ERGIC1: variants seen among roughly 807,000 people sequenced by gnomAD.
ERGIC1 encodes endoplasmic reticulum-golgi intermediate compartment 1.
A neutral mutation model predicts 38.3 loss-of-function variants in ERGIC1; 19 were observed. The ratio of observed to expected loss-of-function variants is 0.50; its 90% CI spans 0.35 to 0.73. The LOEUF (loss-of-function observed/expected upper bound fraction) is 0.73, where lower values mean the gene tolerates loss of function less well. Among genes scored for constraint, ERGIC1 ranks in the 30% least tolerant of loss-of-function variants. The pLI is 0.01. For missense variants in ERGIC1, 294 were observed against 389.2 expected, an observed-to-expected ratio of 0.76 and a Z score of 2.06; for synonymous variants, 124 against 157.6, an observed-to-expected ratio of 0.79 and a Z score of 1.60.
At chr5:172,856,334 A>C (rs1281599026) in intron 1 of ERGIC1, among the ~76,000 whole-genome samples, 1 of 152,250 alleles carries the variant, frequency 6.6e-6, no homozygotes, top group Non-Finnish European at 1.5e-5. Flanking sequence ...CAGTCAGGCC[A>C]GAGAGGAGTC....
chr5:172,859,520 G>A (rs978617521), intron 1 of ERGIC1, among the ~76,000 whole-genome samples: 10 of 152,268 alleles, frequency 6.6e-5, no homozygotes, highest in African/African-American at 1.9e-4. Context: ...TCACAGTGCC[G>A]TCCCAAGCCT....
intron 8 of ERGIC1, 82 bp from the exon 9 acceptor site, chr5:172,935,103 GGTT>G: frequency 6.3e-7 from 1 of 1,597,906 alleles, no homozygotes; most frequent in Non-Finnish European, 8.6e-7. Context: ...CTTTCTGGAG[GGTT>G]GCTGGGGGGC....
intron 8 of ERGIC1, 75 bp from the exon 9 acceptor site, chr5:172,935,113 G>A (rs1214060966): frequency 6.2e-7 from 1 of 1,605,618 alleles, no homozygotes; most frequent in Admixed American, 1.7e-5. Context: ...GGTTGCTGGG[G>A]GGCCCTCTGC....
chr5:172,873,493 G>A (rs369635134), intron 1 of ERGIC1, among the ~76,000 whole-genome samples: 23 of 152,336 alleles, frequency 1.5e-4, no homozygotes, highest in African/African-American at 4.8e-4. Context: ...CCTTAGCTCC[G>A]TGGACCCTGC....
intron 2 of ERGIC1, among the ~76,000 whole-genome samples, chr5:172,896,195 T>G (rs1472031179): frequency 6.6e-6 from 1 of 151,860 alleles, no homozygotes; most frequent in Non-Finnish European, 1.5e-5. Flanking sequence ...ATAAAAAAAT[T>G]AGCTGGGTGT....
intron 3 of ERGIC1, among the ~76,000 whole-genome samples, 177 bp from the exon 4 acceptor site, chr5:172,909,490 A>ACT (rs985007066): frequency 5.9e-5 from 9 of 152,088 alleles, no homozygotes; most frequent in African/African-American, 1.9e-4. Context: ...GTAAGGCTGC[A>ACT]CTTGAAGAGT....
At chr5:172,871,107 A>G (rs561159772) in intron 1 of ERGIC1, among the ~76,000 whole-genome samples, 1 of 152,356 alleles carries the variant, frequency 6.6e-6, no homozygotes, top group South Asian at 2.1e-4. Flanking sequence ...AGTGACATCA[A>G]TCATCGCATG....
intron 2 of ERGIC1, 71 bp downstream of exon 2, chr5:172,888,831 T>A (rs1762485436): frequency 7.4e-7 from 1 of 1,353,888 alleles, no homozygotes; most frequent in Non-Finnish European, 1.1e-6. Flanking sequence ...TCTGTGCAGA[T>A]CATCTGGGCC....
intron 1 of ERGIC1, among the ~76,000 whole-genome samples, chr5:172,885,647 G>A (rs1270047019): frequency 6.6e-6 from 1 of 152,264 alleles, no homozygotes; most frequent in South Asian, 2.1e-4. Flanking sequence ...GGGATTTTCT[G>A]AAGGTCTAAC....
intron 5 of ERGIC1, chr5:172,921,702 G>T (rs760989391): frequency 6.6e-6 from 1 of 152,280 alleles, no homozygotes; most frequent in African/African-American, 2.4e-5. Flanking sequence ...GTGCCTCTTT[G>T]TTTCCTGCTG....
intron 1 of ERGIC1, among the ~76,000 whole-genome samples, chr5:172,884,270 T>TTTAAAA (rs1762362724): frequency 6.9e-6 from 1 of 145,464 alleles, no homozygotes; most frequent in Non-Finnish European, 1.5e-5. Flanking sequence ...TTTTTTTTTT[T>TTTAAAA]AAAGACAGGG....
In ERGIC1 at chr5:172,838,958, A is replaced by G. The variant is rs534181013; in HGVS notation, c.20+4525A>G. Among the ~76,000 whole-genome samples, 47 of 152,314 alleles carry G rather than the reference A, an allele frequency of 3.1e-4. 2 individuals are homozygous for G. In the South Asian group the frequency reaches 9.7e-3, roughly 32 times the overall value. On this transcript the variant is annotated intron_variant, in intron 1 of 9. Coordinates refer to ENST00000393784, the MANE Select transcript of ERGIC1 (RefSeq NM_001031711.3). Reference sequence around the variant, plus strand: ...CTTTACAGCAAGTTTTAAAAAATATAAAATGAGCGCTGTGGCTCATGCCTG... The same window carrying G: ...CTTTACAGCAAGTTTTAAAAAATATGAAATGAGCGCTGTGGCTCATGCCTG...
intron 2 of ERGIC1, among the ~76,000 whole-genome samples, chr5:172,893,732 T>C (rs992758586): frequency 2.6e-4 from 40 of 151,224 alleles, no homozygotes; most frequent in African/African-American, 9.7e-4. Flanking sequence ...TTGAAATTTA[T>C]CTCTCTGCCG....
chr5:172,874,864 G>A (rs1363065381), intron 1 of ERGIC1, among the ~76,000 whole-genome samples: 3 of 151,098 alleles, frequency 2.0e-5, no homozygotes, highest in African/African-American at 4.9e-5. Flanking sequence ...GGTTGGGGCA[G>A]CAGTGAGCCA....
At chr5:172,892,969 G>A (rs1430573838) in intron 2 of ERGIC1, among the ~76,000 whole-genome samples, 2 of 152,060 alleles carry the variant, frequency 1.3e-5, no homozygotes, top group South Asian at 2.1e-4. Flanking sequence ...GGCTTAGTCC[G>A]AGCCTTGAAA....
chr5:172,913,355 G>C (rs576580077), intron 4 of ERGIC1, among the ~76,000 whole-genome samples: 39 of 152,356 alleles, frequency 2.6e-4, no homozygotes, highest in African/African-American at 7.2e-4. Context: ...GACACACATT[G>C]TGGATCTAGA....
rs562951567 is a variant in ERGIC1, at chr5:172,859,152, C to G, written c.20+24719C>G. ...TCCTGGTGCTTGGGTCATGTCGTTC[C>G]CTGTGCATGCCAGTCCCCTTACGTG... On this transcript the variant is annotated intron_variant, in intron 1 of 9. Coordinates refer to ENST00000393784, the MANE Select transcript of ERGIC1 (RefSeq NM_001031711.3). Among the ~76,000 whole-genome samples, 17 of 152,282 alleles carry G rather than the reference C, an allele frequency of 1.1e-4. 1 individual carries two copies. In the South Asian group the frequency reaches 3.5e-3, roughly 32 times the overall value.
chr5:172,922,949 G>T (rs1238278534), intron 5 of ERGIC1, among the ~76,000 whole-genome samples: 7 of 152,340 alleles, frequency 4.6e-5, no homozygotes, highest in Middle Eastern at 3.4e-3. Context: ...GGGCAGCAGA[G>T]AAGAGGTCAG....
chr5:172,892,463 C>T (rs942840607), intron 2 of ERGIC1, among the ~76,000 whole-genome samples: 7 of 152,198 alleles, frequency 4.6e-5, no homozygotes, highest in South Asian at 2.1e-4. Context: ...CCTCCACTTA[C>T]GTGACTGTGT....
Sources: gnomAD v4.1 joint callset for allele counts (sites outside exome capture counted in the v4.1 genomes callset) on GRCh38, gnomAD v4.1.1 for gene constraint, MANE v1.5 for transcripts, NCBI Gene and HGNC (gene_info 2026-07-23, HGNC 2026-07-21) for gene names.